MCTP2: variants seen among roughly 807,000 people sequenced by gnomAD.
MCTP2 encodes the protein multiple C2 and transmembrane domain containing 2.
A neutral mutation model predicts 111.6 loss-of-function variants in MCTP2; 132 were observed. The observed-to-expected ratio is 1.18, with a 90% confidence interval of 1.03 to 1.37. The LOEUF (loss-of-function observed/expected upper bound fraction) is 1.37, where lower values mean the gene tolerates loss of function less well. Ranked by LOEUF, MCTP2 falls within the 40% of genes most tolerant of loss-of-function variation. The probability of loss-of-function intolerance (pLI) is 0.00; values close to 1 mark genes in which losing one functional copy is unlikely to be tolerated. For synonymous variants in MCTP2, 395 were observed against 387.7 expected (o/e 1.02, Z -0.22); for missense variants, 1,183 against 1,067.9 (o/e 1.11, Z -1.50).
chr15:94,329,171 A>G (rs1596372354), intron 4 of MCTP2, among the ~76,000 whole-genome samples: 2 of 152,210 alleles, frequency 1.3e-5, no homozygotes, highest in African/African-American at 4.8e-5. Context: ...TTTATTAAGT[A>G]CCACAGAATT....
chr15:94,335,195 A>G (rs1360371034), intron 4 of MCTP2, among the ~76,000 whole-genome samples: 1 of 152,138 alleles, frequency 6.6e-6, no homozygotes, highest in Non-Finnish European at 1.5e-5. Flanking sequence ...TTGGCTCTGA[A>G]CACTTTACCC....
chr15:94,405,640 A>G (rs926637413), intron 17 of MCTP2, among the ~76,000 whole-genome samples: 1 of 152,222 alleles, frequency 6.6e-6, no homozygotes, highest in African/African-American at 2.4e-5. Context: ...TGCACCTGCT[A>G]TGTTAATGTT....
intron 1 of MCTP2, among the ~76,000 whole-genome samples, chr15:94,246,716 A>T (rs1019877833): frequency 2.0e-5 from 3 of 152,236 alleles, no homozygotes; most frequent in Non-Finnish European, 4.4e-5. Context: ...CTGAGAAATG[A>T]TAGAAAACTA....
At chr15:94,469,314 A>G (rs1295044407) in intron 20 of MCTP2, among the ~76,000 whole-genome samples, 2 of 152,144 alleles carry the variant, frequency 1.3e-5, no homozygotes, top group Admixed American at 1.3e-4. Flanking sequence ...TCTACAATAT[A>G]TCCAAGTCCA....
At chr15:94,353,338 C>T (rs1377778782) in intron 8 of MCTP2, among the ~76,000 whole-genome samples, 1 of 152,178 alleles carries the variant, frequency 6.6e-6, no homozygotes, top group Non-Finnish European at 1.5e-5. Context: ...CTCAGCCTTG[C>T]CCTCCCATGC....
intron 17 of MCTP2, among the ~76,000 whole-genome samples, chr15:94,406,858 GTT>G (rs199663326): frequency 0.042 from 5,564 of 132,032 alleles, 126 homozygotes; most frequent in Middle Eastern, 0.073. Flanking sequence ...CTTTTCAGTT[GTT>G]TTTTTTTTTT....
chr15:94,232,831 CAAT>C (rs2070282696), intron 1 of MCTP2, among the ~76,000 whole-genome samples: 2 of 152,140 alleles, frequency 1.3e-5, no homozygotes, highest in South Asian at 4.1e-4. Flanking sequence ...CATTCCAAAG[CAAT>C]AAAAATTGTC....
chr15:94,401,333 A>G (rs1029532419), intron 16 of MCTP2, among the ~76,000 whole-genome samples: 3 of 152,200 alleles, frequency 2.0e-5, no homozygotes, highest in Admixed American at 2.0e-4. Flanking sequence ...TAAGATTAGC[A>G]CTAATATCAA....
intron 20 of MCTP2, among the ~76,000 whole-genome samples, chr15:94,464,257 T>TATTATATATATATATATATTATATATA (rs4001978): frequency 2.2e-4 from 10 of 44,946 alleles, no homozygotes; most frequent in African/African-American, 4.8e-4. Context: ...TATATATATA[T>TATTATATATATATATATATTATATATA]TATATATATA....
At chr15:94,340,017 A>T (rs896346367) in intron 5 of MCTP2, among the ~76,000 whole-genome samples, 182 bp from the exon 6 acceptor site, 16 of 152,230 alleles carry the variant, frequency 1.1e-4, no homozygotes, top group African/African-American at 3.4e-4. Context: ...AATGGGCAAG[A>T]TTGAATAATT....
chr15:94,268,590 G>A (rs964164379), intron 1 of MCTP2, among the ~76,000 whole-genome samples: 2 of 152,068 alleles, frequency 1.3e-5, no homozygotes, highest in Non-Finnish European at 2.9e-5. Flanking sequence ...GGCTTCCTTT[G>A]TATAGACTAT....
At chr15:94,262,259 ATGTT>A (rs889924752) in intron 1 of MCTP2, among the ~76,000 whole-genome samples, 33 of 152,298 alleles carry the variant, frequency 2.2e-4, no homozygotes, top group African/African-American at 7.9e-4. Flanking sequence ...AATATGTATA[ATGTT>A]TGTTAATTGA....
chr15:94,474,524 G>C (rs1366133341), intron 21 of MCTP2, among the ~76,000 whole-genome samples: 1 of 152,200 alleles, frequency 6.6e-6, no homozygotes, highest in African/African-American at 2.4e-5. Flanking sequence ...GGGGGCCCAG[G>C]TATTCCTACG....
intron 1 of MCTP2, among the ~76,000 whole-genome samples, chr15:94,245,199 T>C (rs913191978): frequency 1.4e-5 from 2 of 143,170 alleles, no homozygotes; most frequent in East Asian, 2.2e-4. Flanking sequence ...CATATGTATG[T>C]ATATATTTAT....
chr15:94,346,867 G>A (rs1353395684), intron 8 of MCTP2, among the ~76,000 whole-genome samples: 1 of 152,010 alleles, frequency 6.6e-6, no homozygotes, highest in Non-Finnish European at 1.5e-5. Flanking sequence ...GTATTTATAT[G>A]TATACTTCAG....
At chr15:94,304,720 C>T (rs1453806441) in intron 2 of MCTP2, among the ~76,000 whole-genome samples, 1 of 152,122 alleles carries the variant, frequency 6.6e-6, no homozygotes, top group Non-Finnish European at 1.5e-5. Context: ...GCATTTCATA[C>T]ACCATCCATC....
intron 8 of MCTP2, among the ~76,000 whole-genome samples, chr15:94,346,713 G>A (rs558275715): frequency 5.3e-5 from 8 of 152,186 alleles, no homozygotes; most frequent in Non-Finnish European, 8.8e-5. Flanking sequence ...AAGAAAGATT[G>A]TGAGCCTGGG....
rs2084958112 is a variant in MCTP2, at chr15:94,458,241, T to G, written c.2355T>G (p.Ile785Met). 1 of 1,582,186 alleles carries G rather than the reference T, an allele frequency of 6.3e-7. No individual in the cohort carries two copies. The highest frequency in any genetic ancestry group is 8.7e-7 in the Non-Finnish European group (1 of 1,150,944). ...AAATAGCTTCTTTTGGAGAAAGGAT[T>G]AAGAAGTAAGTTCTAAATTTGTGTT... ...LEEIASFGER[I>M]KNTFNWTVPF... Residue 785 changes from isoleucine to methionine, a missense_variant, in exon 20 of 23, where the codon ATT (isoleucine) becomes ATG (methionine). By Grantham distance (10) the Ile-to-Met change is conservative. Coordinates refer to ENST00000357742, the MANE Select transcript of MCTP2 (RefSeq NM_001385001.1).
At chr15:94,339,880 G>T (rs1223697446) in intron 5 of MCTP2, among the ~76,000 whole-genome samples, 1 of 152,126 alleles carries the variant, frequency 6.6e-6, no homozygotes, top group African/African-American at 2.4e-5. Context: ...GCTCACTGTG[G>T]AAAATACTAA....
Sources: allele counts gnomAD v4.1 joint callset (sites outside exome capture counted in the v4.1 genomes callset), GRCh38; gene constraint gnomAD v4.1.1; transcripts MANE v1.5; gene names NCBI Gene and HGNC (gene_info 2026-07-23, HGNC 2026-07-21).